The following RANBP17 variants were observed in gnomAD, a reference collection of about 807,000 sequenced individuals.
RANBP17 encodes RAN binding protein 17, also known as ran-binding protein 17.
Under a neutral mutation model 141.2 loss-of-function variants are expected in RANBP17, and 158 were observed. The ratio of observed to expected loss-of-function variants is 1.12; its 90% CI spans 0.98 to 1.28. The LOEUF (loss-of-function observed/expected upper bound fraction) is 1.28, where lower values mean the gene tolerates loss of function less well. Among genes scored for constraint, RANBP17 ranks in the 50% most tolerant of loss-of-function variants. RANBP17 has a pLI of 0.00. For missense variants in RANBP17, 1,438 were observed against 1,290.7 expected, an observed-to-expected ratio of 1.11 and a Z score of -1.75; for synonymous variants, 430 against 450.0, an observed-to-expected ratio of 0.96 and a Z score of 0.56.
At chr5:171,044,078 A>G (rs1361878344) in intron 14 of RANBP17, among the ~76,000 whole-genome samples, 1 of 152,166 alleles carries the variant, frequency 6.6e-6, no homozygotes, top group Non-Finnish European at 1.5e-5. Context: ...ATTTCCTACT[A>G]AGAACTAGAA....
At chr5:170,929,460 C>G (rs563390449) in intron 12 of RANBP17, among the ~76,000 whole-genome samples, 14 of 151,984 alleles carry the variant, frequency 9.2e-5, no homozygotes, top group African/African-American at 3.4e-4. Context: ...TAAAATAGAC[C>G]TTTTATGCAT....
intron 13 of RANBP17, among the ~76,000 whole-genome samples, chr5:170,967,396 C>T (rs1351323589): frequency 6.6e-6 from 1 of 152,066 alleles, no homozygotes; most frequent in Non-Finnish European, 1.5e-5. Context: ...GATACTGCTT[C>T]CTCAACAACC....
intron 16 of RANBP17, among the ~76,000 whole-genome samples, chr5:171,176,721 G>A (rs922165954): frequency 4.6e-5 from 7 of 152,160 alleles, no homozygotes; most frequent in Non-Finnish European, 1.0e-4. Context: ...GCTGATTTGA[G>A]GGAGCCCCTT....
intron 14 of RANBP17, among the ~76,000 whole-genome samples, chr5:171,042,203 A>G (rs1032100431): frequency 6.6e-6 from 1 of 152,112 alleles, no homozygotes; most frequent in African/African-American, 2.4e-5. Flanking sequence ...TATATTTTTC[A>G]TAGATCCTAG....
At chr5:170,973,422 A>G (rs1218994383) in intron 14 of RANBP17, among the ~76,000 whole-genome samples, 1 of 152,186 alleles carries the variant, frequency 6.6e-6, no homozygotes, top group Non-Finnish European at 1.5e-5. Flanking sequence ...TAAAAAAGCT[A>G]AGCTCTAAAC....
intron 16 of RANBP17, among the ~76,000 whole-genome samples, 164 bp from the exon 17 acceptor site, chr5:171,183,003 T>C (rs1484193954): frequency 1.3e-5 from 2 of 152,192 alleles, no homozygotes; most frequent in African/African-American, 4.8e-5. Flanking sequence ...TAATAATAGA[T>C]TATCATTCTT....
chr5:171,177,470 T>A (rs1760559948), intron 16 of RANBP17, among the ~76,000 whole-genome samples: 2 of 152,184 alleles, frequency 1.3e-5, no homozygotes, highest in Non-Finnish European at 2.9e-5. Context: ...GCTAACTTCC[T>A]GATACTCCAT....
intron 11 of RANBP17, among the ~76,000 whole-genome samples, chr5:170,922,295 G>A (rs1413280577): frequency 6.6e-6 from 1 of 152,248 alleles, no homozygotes; most frequent in South Asian, 2.1e-4. Flanking sequence ...TGAGGGACCC[G>A]CTTGAGGAGG....
At chr5:171,262,019 C>T (rs139640971) in intron 24 of RANBP17, among the ~76,000 whole-genome samples, 1 of 152,256 alleles carries the variant, frequency 6.6e-6, no homozygotes, top group East Asian at 1.9e-4. Context: ...GCTTTTATTG[C>T]GAGGATATAT....
At chr5:170,961,955 A>G (rs767186424) in intron 13 of RANBP17, among the ~76,000 whole-genome samples, 2 of 152,188 alleles carry the variant, frequency 1.3e-5, no homozygotes, top group South Asian at 4.1e-4. Context: ...GCAGCTAGGT[A>G]TGGCAAAGTG....
chr5:171,281,333 T>G (rs188125995), intron 25 of RANBP17, among the ~76,000 whole-genome samples: 1 of 152,280 alleles, frequency 6.6e-6, no homozygotes, highest in East Asian at 1.9e-4. Context: ...AAGAAAACCC[T>G]AAAAAAGAGC....
chr5:171,186,526 CTTTT>C (rs757585137), intron 18 of RANBP17, among the ~76,000 whole-genome samples: 7 of 41,664 alleles, frequency 1.7e-4, no homozygotes, highest in Non-Finnish European at 2.1e-4. Context: ...GTATGATTTT[CTTTT>C]TTTTTTTTTT....
At chr5:171,012,139 C>G (rs962353847) in intron 14 of RANBP17, among the ~76,000 whole-genome samples, 3 of 151,246 alleles carry the variant, frequency 2.0e-5, no homozygotes, top group African/African-American at 7.3e-5. Context: ...TTTGTTTAAA[C>G]AAATATATTT....
rs755577171 is a variant in RANBP17, at chr5:171,020,749, AT to A, written c.1710+52374del. Among the ~76,000 whole-genome samples, 82 of 152,198 alleles carry A rather than the reference AT, an allele frequency of 5.4e-4. 1 individual carries two copies. The highest frequency in any genetic ancestry group is 1.2e-3 in the Admixed American group (19 of 15,286). On this transcript the variant is annotated intron_variant, in intron 14 of 27. Coordinates refer to ENST00000523189, the MANE Select transcript of RANBP17 (RefSeq NM_022897.5). Reference sequence around the variant, plus strand: ...CCAGTTTGCCGGTCTGTGTCTTTTAATTGGGGCATTTAGCCCATTTACATTT... The same window carrying A: ...CCAGTTTGCCGGTCTGTGTCTTTTAATGGGGCATTTAGCCCATTTACATTT...
At chr5:171,223,111 C>A (rs1009170672) in intron 22 of RANBP17, among the ~76,000 whole-genome samples, 1 of 152,124 alleles carries the variant, frequency 6.6e-6, no homozygotes, top group Non-Finnish European at 1.5e-5. Flanking sequence ...GTTTTTACCT[C>A]ATTTCAGAAC....
intron 13 of RANBP17, among the ~76,000 whole-genome samples, chr5:170,956,728 G>T (rs1348473531): frequency 6.6e-6 from 1 of 151,540 alleles, no homozygotes; most frequent in Non-Finnish European, 1.5e-5. Context: ...GGGATTACAG[G>T]CGTGAGCAAC....
chr5:171,050,313 T>C (rs1032522508), intron 14 of RANBP17, among the ~76,000 whole-genome samples: 4 of 152,238 alleles, frequency 2.6e-5, no homozygotes, highest in Non-Finnish European at 5.9e-5. Flanking sequence ...CACAATCTAC[T>C]TAGAATTAAT....
At chr5:171,043,901 A>G (rs1302780045) in intron 14 of RANBP17, among the ~76,000 whole-genome samples, 1 of 152,206 alleles carries the variant, frequency 6.6e-6, no homozygotes, top group Non-Finnish European at 1.5e-5. Context: ...ACATGAAACT[A>G]TTAGAGACAA....
At chr5:171,198,941 T>G (rs1019049930) in intron 18 of RANBP17, among the ~76,000 whole-genome samples, 1 of 152,186 alleles carries the variant, frequency 6.6e-6, no homozygotes, top group African/African-American at 2.4e-5. Flanking sequence ...AAAAGAATAC[T>G]ATATAAATTA....
Sources: gnomAD v4.1 joint callset for allele counts (sites outside exome capture counted in the v4.1 genomes callset) on GRCh38, gnomAD v4.1.1 for gene constraint, MANE v1.5 for transcripts, NCBI Gene and HGNC (gene_info 2026-07-23, HGNC 2026-07-21) for gene names.